GUCA2B: variants seen among roughly 807,000 people sequenced by gnomAD.
The protein encoded by GUCA2B is prepro-uroguanylin.
In GUCA2B, 7 loss-of-function variants were observed where a neutral mutation model predicts 11.1. The ratio of observed to expected loss-of-function variants is 0.63; its 90% CI spans 0.36 to 1.18. The LOEUF is 1.18. Among genes scored for constraint, GUCA2B ranks in the 50% most tolerant of loss-of-function variants. The probability of loss-of-function intolerance (pLI) is 0.02; values close to 1 mark genes in which losing one functional copy is unlikely to be tolerated. For missense variants in GUCA2B, 140 were observed against 142.5 expected, an observed-to-expected ratio of 0.98 and a Z score of 0.09; for synonymous variants, 69 against 65.3, an observed-to-expected ratio of 1.06 and a Z score of -0.27.
At chr1:42,153,585 G>C (rs1259071490) in intron 1 of GUCA2B, 45 bp downstream of exon 1, 1 of 1,378,084 alleles carries the variant, frequency 7.3e-7, no homozygotes, top group Non-Finnish European at 1.0e-6. Context: ...GGGCCCCATG[G>C]TGGGAGGCTA....
Position 42,155,717 on chromosome 1 carries a change from C to T in GUCA2B, c.*121C>T, listed in dbSNP as rs1646106428. On this transcript the variant is annotated 3_prime_UTR_variant, in exon 3 of 3. Coordinates refer to ENST00000372581, the MANE Select transcript of GUCA2B (RefSeq NM_007102.3). Reference sequence around the variant, plus strand: ...CCTGGCCACCATGGTCATCACCACCCTTCCAGGGCCTGAGCAGCTGGATCT... The same window carrying T: ...CCTGGCCACCATGGTCATCACCACCTTTCCAGGGCCTGAGCAGCTGGATCT... The T allele has an allele frequency of 1.3e-6, 1 of 795,014 alleles. No homozygotes were observed. Among genetic ancestry groups the T allele is most frequent in the African/African-American group, 1.7e-5 (1 of 59,662 alleles). The allele number at this position is 795,014 out of a possible 1,614,324, so 49.2% of individuals were successfully genotyped here.
chr1:42,155,620 C>T lies in GUCA2B; in HGVS notation c.*24C>T, dbSNP rs1043138139. On this transcript the variant is annotated 3_prime_UTR_variant, in exon 3 of 3. Transcript: ENST00000372581. ...GAGATAGCCCTGGGTACCCTGAGCC[C>T]ACCAGGGACACCTCGCCCTTCAGCC... The T allele has an allele frequency of 6.4e-7, 1 of 1,563,908 alleles. No individual in the cohort carries two copies. The highest frequency in any genetic ancestry group is 1.7e-5 in the Admixed American group (1 of 59,978).
rs772385547 is a variant in GUCA2B, at chr1:42,155,521, C to T, written c.278-14C>T. The stretch of plus-strand genomic sequence containing the variant: ...CCAGGTTCAGGTCAACTGACCAGTT[C>T]TCTCCCTGCCCAGGGACCATCGCTA... On this transcript the variant is annotated splice_polypyrimidine_tract_variant and intron_variant, in intron 2 of 2. Transcript: ENST00000372581. The T allele has an allele frequency of 6.2e-7, 1 of 1,611,506 alleles. No homozygotes were observed. The highest frequency in any genetic ancestry group is 2.2e-5 in the East Asian group (1 of 44,876).
chr1:42,155,679 C>A lies in GUCA2B; in HGVS notation c.*83C>A. On this transcript the variant is annotated 3_prime_UTR_variant, in exon 3 of 3. Transcript: ENST00000372581. ...TGGCAGGCTTCCATCCCCGTCCATGCTCAAGATGGGTCCCTGGCCACCATG... is the reference window on the plus strand; with the variant it reads ...TGGCAGGCTTCCATCCCCGTCCATGATCAAGATGGGTCCCTGGCCACCATG... The A allele has an allele frequency of 2.9e-6, 3 of 1,047,384 alleles. No individual in the cohort carries two copies. Among genetic ancestry groups the A allele is most frequent in the Non-Finnish European group, 4.5e-6 (3 of 663,828 alleles). The allele number at this position is 1,047,384 out of a possible 1,614,324, so 64.9% of individuals were successfully genotyped here. A position where few individuals can be genotyped will look rare whatever the true frequency, so the allele number is the denominator to read the frequency against.
Position 42,154,713 on chromosome 1 carries a change from A to C in GUCA2B, c.124A>C (p.Lys42Gln), listed in dbSNP as rs997205624. The part of the protein sequence containing the change: ...QGFRVQLESM[K>Q]KLSDLEAQWA... ...CTTCCGGGTCCAGCTGGAATCCATGAAGAAGCTGAGTGACCTGGAGGCACA... is the reference window on the plus strand; with the variant it reads ...CTTCCGGGTCCAGCTGGAATCCATGCAGAAGCTGAGTGACCTGGAGGCACA... Residue 42 changes from lysine to glutamine, a missense_variant, in exon 2 of 3, where the codon AAG (lysine) becomes CAG (glutamine). By Grantham distance (53) the Lys-to-Gln change is moderately conservative (BLOSUM62 1). Transcript: ENST00000372581. 1.9e-6 allele frequency: 3 copies of C among 1,614,126 alleles called. No homozygotes were observed. Among genetic ancestry groups the C allele is most frequent in the Non-Finnish European group, 1.7e-6 (2 of 1,179,964 alleles).
intron 1 of GUCA2B, 148 bp from the exon 2 acceptor site, chr1:42,154,532 G>A (rs1348816519): frequency 1.0e-5 from 7 of 675,232 alleles, no homozygotes; most frequent in Admixed American, 2.3e-5. Context: ...TCACCGCAGC[G>A]GCTCTTTCCA....
rs752782640 is a variant in GUCA2B at position 42,154,764 on chromosome 1, G to T, written c.175G>T (p.Ala59Ser). Residue 59 changes from alanine to serine, a missense_variant, in exon 2 of 3, where the codon GCC (alanine) becomes TCC (serine). Coordinates refer to ENST00000372581, the MANE Select transcript of GUCA2B (RefSeq NM_007102.3). Reference protein sequence around the residue: ...AQWAPSPRLQAQSLLPAVCHH... With the variant: ...AQWAPSPRLQSQSLLPAVCHH... The stretch of plus-strand genomic sequence containing the variant: ...GTGGGCACCCAGCCCCCGCCTGCAG[G>T]CCCAGAGCCTCCTGCCCGCCGTGTG... The T allele has an allele frequency of 6.2e-7, 1 of 1,613,996 alleles. No homozygotes were observed.
intron 1 of GUCA2B, among the ~76,000 whole-genome samples, 187 bp downstream of exon 1, chr1:42,153,727 T>G (rs1267067700): frequency 1.3e-5 from 2 of 152,120 alleles, no homozygotes; most frequent in African/African-American, 4.8e-5. Flanking sequence ...TTGATGGCAG[T>G]GATGATGGCA....
At position 42,154,813 on chromosome 1, in the gene GUCA2B, A is replaced by G; in HGVS notation, c.224A>G (p.Asp75Gly). Residue 75 changes from aspartate to glycine, a missense_variant, in exon 2 of 3, where the codon GAC (aspartate) becomes GGC (glycine). Transcript: ENST00000372581. ...AVCHHPALPQ[D>G]LQPVCASQEA... is the part of the protein sequence containing the mutation. ...TGCCACCACCCTGCTCTGCCTCAGG[A>G]CCTTCAGCCTGTCTGCGCCTCGCAG... is the stretch of plus-strand genomic sequence containing the variant. 1 of 1,614,014 alleles carries G rather than the reference A, an allele frequency of 6.2e-7. No individual in the cohort carries two copies. The highest frequency in any genetic ancestry group is 8.5e-7 in the Non-Finnish European group (1 of 1,179,980).
chr1:42,154,839 GA>G lies in GUCA2B; in HGVS notation c.251del (p.Glu84GlyfsTer9), dbSNP rs1317648327. 1 of 1,613,654 alleles carries G rather than the reference GA, an allele frequency of 6.2e-7. No homozygotes were observed. Among genetic ancestry groups the G allele is most frequent in the Non-Finnish European group, 8.5e-7 (1 of 1,179,774 alleles). ...QDLQPVCASQ[E>X]ASSIFKTLRT... Reference sequence around the variant, plus strand: ...CCTTCAGCCTGTCTGCGCCTCGCAGGAGGCTTCCAGCATCTTCAAGACCCTG... The same window carrying G: ...CCTTCAGCCTGTCTGCGCCTCGCAGGGGCTTCCAGCATCTTCAAGACCCTG... On this transcript the variant is annotated frameshift_variant, in exon 2 of 3. Transcript: ENST00000372581. LOFTEE classifies it high-confidence loss of function.
chr1:42,155,429 C>T, intron 2 of GUCA2B, 106 bp from the exon 3 acceptor site: 2 of 894,176 alleles, frequency 2.2e-6, no homozygotes, highest in Non-Finnish European at 3.7e-6. Flanking sequence ...GACGTTCCTG[C>T]TCCCAGTCTG....
Position 42,154,778 on chromosome 1 carries a change from G to A in GUCA2B, c.189G>A (p.Leu63=). Residue 63 remains leucine, a synonymous_variant, in exon 2 of 3, where the codon CTG becomes CTA. Coordinates refer to ENST00000372581, the MANE Select transcript of GUCA2B (RefSeq NM_007102.3). ...PSPRLQAQSL[L]PAVCHHPALP... ...CCCGCCTGCAGGCCCAGAGCCTCCT[G>A]CCCGCCGTGTGCCACCACCCTGCTC... 6.2e-7 allele frequency: 1 copy of A among 1,614,102 alleles called. No homozygotes were observed. Among genetic ancestry groups the A allele is most frequent in the Non-Finnish European group, 8.5e-7 (1 of 1,179,978 alleles).
At chr1:42,153,731 G>A (rs921590061) in intron 1 of GUCA2B, among the ~76,000 whole-genome samples, 191 bp downstream of exon 1, 5 of 152,218 alleles carry the variant, frequency 3.3e-5, no homozygotes, top group African/African-American at 1.2e-4. Context: ...TGGCAGTGAT[G>A]ATGGCAATGA....
chr1:42,155,402 C>A, intron 2 of GUCA2B, 133 bp from the exon 3 acceptor site: 1 of 737,020 alleles, frequency 1.4e-6, no homozygotes. Flanking sequence ...TGAACCCAAG[C>A]CCTCACTCCA....
intron 2 of GUCA2B, 95 bp from the exon 3 acceptor site, chr1:42,155,440 T>C (rs2124013627): frequency 1.0e-6 from 1 of 964,138 alleles, no homozygotes; most frequent in Non-Finnish European, 1.7e-6. Context: ...TCCCAGTCTG[T>C]GGAAGATGCC....
rs1220979433 is a variant in GUCA2B at position 42,155,635 on chromosome 1, G to A, written c.*39G>A. The A allele has an allele frequency of 2.3e-5, 34 of 1,481,210 alleles. No individual in the cohort carries two copies. Among genetic ancestry groups the A allele is most frequent in the Non-Finnish European group, 2.7e-5 (29 of 1,058,646 alleles). 91.8% of individuals were successfully genotyped at this position (1,481,210 alleles called of 1,614,324 possible). A position where few individuals can be genotyped will look rare whatever the true frequency, so the allele number is the denominator to read the frequency against. On this transcript the variant is annotated 3_prime_UTR_variant, in exon 3 of 3. Transcript: ENST00000372581. ...ACCCTGAGCCCACCAGGGACACCTC[G>A]CCCTTCAGCCCACCACCCTGGCAGG...
chr1:42,153,546 T>TC lies in GUCA2B; in HGVS notation c.90+9dup, dbSNP rs1300656348. On this transcript the variant is annotated splice_region_variant and intron_variant, in intron 1 of 2. Transcript: ENST00000372581. ...CACAGTCAGTCTACATCCAGGTGAG[T>TC]CCCTTGGCCAGCGTTCCCTTTGCCT... 17 of 1,600,406 alleles carry TC rather than the reference T, an allele frequency of 1.1e-5. No homozygotes were observed. The highest frequency in any genetic ancestry group is 1.4e-5 in the Non-Finnish European group (16 of 1,169,046).
Position 42,153,478 on chromosome 1 carries a change from C to T in GUCA2B, c.28C>T (p.Leu10=), listed in dbSNP as rs1646093524. MGCRAASGL[L]PGVAVVLLLL... ...GGGCTGCAGGGCTGCATCAGGGCTC[C>T]TGCCAGGAGTGGCCGTGGTCCTCCT... The change falls in exon 1 of 3, where the codon CTG becomes TTG. Residue 10 remains leucine, a synonymous_variant. Transcript: ENST00000372581. The T allele has an allele frequency of 3.1e-6, 5 of 1,612,658 alleles. No homozygotes were observed. Among genetic ancestry groups the T allele is most frequent in the African/African-American group, 1.3e-5 (1 of 75,062 alleles).
chr1:42,153,503 T>A lies in GUCA2B; in HGVS notation c.53T>A (p.Leu18Gln). ...CTGCCAGGAGTGGCCGTGGTCCTCC[T>A]GCTGCTGCTGCAGAGCACACAGTCA... is the stretch of plus-strand genomic sequence containing the variant. ...GLLPGVAVVL[L>Q]LLLQSTQSVY... is the part of the protein sequence containing the mutation. Residue 18 changes from leucine (L) to glutamine (Q), a missense_variant, in exon 1 of 3, where the codon CTG becomes CAG. Leu to Gln is a moderately radical substitution (Grantham distance 113). Transcript: ENST00000372581. 6.2e-7 allele frequency: 1 copy of A among 1,604,972 alleles called. No individual in the cohort carries two copies. The highest frequency in any genetic ancestry group is 8.5e-7 in the Non-Finnish European group (1 of 1,173,436).
Sources: allele counts gnomAD v4.1 joint callset (sites outside exome capture counted in the v4.1 genomes callset), GRCh38; gene constraint gnomAD v4.1.1; transcripts MANE v1.5; gene names NCBI Gene and HGNC (gene_info 2026-07-23, HGNC 2026-07-21).